The following NDUFA9 variants were observed in gnomAD, a reference collection of about 807,000 sequenced individuals.
NDUFA9 encodes NADH:ubiquinone oxidoreductase subunit A9, also known as NADH dehydrogenase [ubiquinone] 1 alpha subcomplex subunit 9, mitochondrial.
In NDUFA9, 23 loss-of-function variants were observed where a neutral mutation model predicts 45.9. The observed-to-expected ratio is 0.50, with a 90% CI of 0.36 to 0.71. NDUFA9 has a LOEUF of 0.71. NDUFA9 is among the 30% of genes least tolerant of loss of function. The pLI is 0.00. For missense variants in NDUFA9, 466 were observed against 488.2 expected, an observed-to-expected ratio of 0.95 and a Z score of 0.43; for synonymous variants, 176 against 170.5, an observed-to-expected ratio of 1.03 and a Z score of -0.25.
chr12:4,681,141 TA>T (rs1054905041), intron 8 of NDUFA9, among the ~76,000 whole-genome samples: 208 of 149,696 alleles, frequency 1.4e-3, no homozygotes, highest in Non-Finnish European at 1.9e-3. Context: ...AACTTTATAG[TA>T]AAAAAAAAAT....
Position 4,649,144 on chromosome 12 carries a change from A to G in NDUFA9, c.18A>G (p.Gln6=), listed in dbSNP as rs1406682716. 6.2e-7 allele frequency: 1 copy of G among 1,605,474 alleles called. No homozygotes were observed. The highest frequency in any genetic ancestry group is 8.5e-7 in the Non-Finnish European group (1 of 1,176,268). The change falls in exon 1 of 11, where the codon CAA becomes CAG. Residue 6 remains glutamine (Q), a synonymous_variant. Coordinates refer to ENST00000266544, the MANE Select transcript of NDUFA9 (RefSeq NM_005002.5). The part of the protein sequence containing the change: MAAAA[Q]SRVVRVLSMS... The stretch of plus-strand genomic sequence containing the variant: ...GGGAAAAGATGGCGGCTGCCGCACA[A>G]TCCCGGGTTGTCCGGGTCCTGTCAA...
chr12:4,686,878 G>A, intron 10 of NDUFA9, 60 bp from the exon 11 acceptor site: 1 of 1,527,620 alleles, frequency 6.5e-7, no homozygotes, highest in Non-Finnish European at 8.9e-7. Flanking sequence ...TGCCTGCTAG[G>A]ATAGCACTTT....
At chr12:4,671,073 A>G (rs1164348101) in intron 8 of NDUFA9, among the ~76,000 whole-genome samples, 2 of 152,200 alleles carry the variant, frequency 1.3e-5, no homozygotes, top group African/African-American at 2.4e-5. Flanking sequence ...GTAGATAGGT[A>G]TCTACACATT....
In NDUFA9 at chr12:4,690,353, T is replaced by C. The variant is rs1946012411; in HGVS notation, c.*3245T>C. 6.6e-6 allele frequency: 1 copy of C among 152,234 alleles called. No individual in the cohort carries two copies. Among genetic ancestry groups the C allele is most frequent in the Non-Finnish European group, 1.5e-5 (1 of 68,044 alleles). 9.4% of individuals were successfully genotyped at this position (152,234 alleles called of 1,614,324 possible). On this transcript the variant is annotated 3_prime_UTR_variant, in exon 11 of 11. Coordinates refer to ENST00000266544, the MANE Select transcript of NDUFA9 (RefSeq NM_005002.5). ...GTTCTTCCTTGGCCCTCCTGTGTAT[T>C]TCCCACAGCTTTGCTAGGCCTTAAG...
chr12:4,681,164 G>A (rs575328887), intron 8 of NDUFA9, among the ~76,000 whole-genome samples: 2 of 152,124 alleles, frequency 1.3e-5, no homozygotes, highest in Non-Finnish European at 2.9e-5. Flanking sequence ...TTTTTTATAA[G>A]GTTTAGACAA....
At chr12:4,664,139 G>GACTTGTT (rs1945839734) in intron 6 of NDUFA9, among the ~76,000 whole-genome samples, 1 of 152,166 alleles carries the variant, frequency 6.6e-6, no homozygotes, top group Non-Finnish European at 1.5e-5. Context: ...AAGCAAAAAG[G>GACTTGTT]AACCGGAACC....
chr12:4,673,158 A>G (rs749865145), intron 8 of NDUFA9, among the ~76,000 whole-genome samples: 7 of 152,226 alleles, frequency 4.6e-5, no homozygotes, highest in Non-Finnish European at 1.0e-4. Flanking sequence ...AACAAACAGA[A>G]AAGAATAGTA....
rs1946013279 is a variant in NDUFA9, at chr12:4,690,477, G to T, written c.*3369G>T. ...CCCAGCACTTTGGGAGGCTGATGGG[G>T]GTGGATCATGAGGTTAGGAGTTCAA... On this transcript the variant is annotated 3_prime_UTR_variant, in exon 11 of 11. Coordinates refer to ENST00000266544, the MANE Select transcript of NDUFA9 (RefSeq NM_005002.5). The T allele has an allele frequency of 6.6e-6, 1 of 152,144 alleles. No homozygotes were observed. The highest frequency in any genetic ancestry group is 6.6e-5 in the Admixed American group (1 of 15,260). The allele number at this position is 152,144 out of a possible 1,614,324, so 9.4% of individuals were successfully genotyped here. A position where few individuals can be genotyped will look rare whatever the true frequency, so the allele number is the denominator to read the frequency against.
In NDUFA9 at chr12:4,654,851, C is replaced by A; in HGVS notation, c.247C>A (p.Pro83Thr). The change falls in exon 3 of 11, where the codon CCC (proline) becomes ACC (threonine). Residue 83 changes from proline to threonine, a missense_variant. By Grantham distance (38) the Pro-to-Thr change is conservative. Transcript: ENST00000266544. Reference protein sequence around the residue: ...LGRMGSQVIIPYRCDKYDIMH... With the variant: ...LGRMGSQVIITYRCDKYDIMH... ...ACGCATGGGGTCACAGGTAATCATA[C>A]CCTATCGGTGTGATAAATATGACAT... 6.2e-7 allele frequency: 1 copy of A among 1,613,558 alleles called. No individual in the cohort carries two copies. The highest frequency in any genetic ancestry group is 8.5e-7 in the Non-Finnish European group (1 of 1,179,838).
chr12:4,653,252 G>T (rs918218923), intron 1 of NDUFA9, among the ~76,000 whole-genome samples: 1 of 152,238 alleles, frequency 6.6e-6, no homozygotes, highest in Non-Finnish European at 1.5e-5. Flanking sequence ...AAAATATTTA[G>T]TGGGGCTATA....
intron 6 of NDUFA9, among the ~76,000 whole-genome samples, chr12:4,663,016 T>C (rs1945832601): frequency 6.6e-6 from 1 of 152,218 alleles, no homozygotes; most frequent in South Asian, 2.1e-4. Flanking sequence ...ACCACTGATC[T>C]TTTTATTGTC....
chr12:4,652,866 A>G (rs956113551), intron 1 of NDUFA9, among the ~76,000 whole-genome samples: 11 of 152,256 alleles, frequency 7.2e-5, no homozygotes, highest in African/African-American at 1.9e-4. Flanking sequence ...TTCTGTCACT[A>G]TCAGTGAGCT....
rs35155742 is a variant in NDUFA9 at position 4,649,139 on chromosome 12, G to C, written c.13G>C (p.Ala5Pro). 3,138 of 1,604,258 alleles carry C rather than the reference G, an allele frequency of 2.0e-3. 65 individuals are homozygous for C. The African/African-American group carries it at 0.038, about 19-fold the overall frequency. The change falls in exon 1 of 11, where the codon GCA becomes CCA. Residue 5 changes from alanine to proline, a missense_variant. Transcript: ENST00000266544. MAAA[A>P]QSRVVRVLSM... ...ATTGTGGGAAAAGATGGCGGCTGCC[G>C]CACAATCCCGGGTTGTCCGGGTCCT...
In NDUFA9 at chr12:4,692,930, T is replaced by A. The variant is rs866405180; in HGVS notation, c.*5822T>A. The A allele has an allele frequency of 5.4e-4, 83 of 152,430 alleles. No individual in the cohort carries two copies. Among genetic ancestry groups the A allele is most frequent in the African/African-American group, 1.9e-3 (81 of 41,584 alleles). 9.4% of individuals were successfully genotyped at this position (152,430 alleles called of 1,614,324 possible). On this transcript the variant is annotated 3_prime_UTR_variant, in exon 11 of 11. Coordinates refer to ENST00000266544, the MANE Select transcript of NDUFA9 (RefSeq NM_005002.5). Reference sequence around the variant, plus strand: ...GTACAAGCATGGCACTAACATCTGCTTGGCATGAGCCACCACACCCGGCCA... The same window carrying A: ...GTACAAGCATGGCACTAACATCTGCATGGCATGAGCCACCACACCCGGCCA...
chr12:4,661,631 A>G (rs944706753), intron 5 of NDUFA9, among the ~76,000 whole-genome samples: 5 of 151,714 alleles, frequency 3.3e-5, no homozygotes, highest in Middle Eastern at 3.4e-3. Context: ...AAGATGGTCT[A>G]TGGAACCTAA....
intron 8 of NDUFA9, 111 bp from the exon 9 acceptor site, chr12:4,682,090 GTATC>G: frequency 3.2e-6 from 2 of 633,842 alleles, no homozygotes; most frequent in Non-Finnish European, 5.4e-6. Flanking sequence ...GTGCTATTCT[GTATC>G]TACTACAGTG....
chr12:4,665,648 A>G (rs927065409), intron 6 of NDUFA9, among the ~76,000 whole-genome samples: 1 of 151,984 alleles, frequency 6.6e-6, no homozygotes, highest in Non-Finnish European at 1.5e-5. Flanking sequence ...ACAAGCCACC[A>G]TAGTGTATTC....
chr12:4,659,577 G>T (rs143648099), intron 5 of NDUFA9, among the ~76,000 whole-genome samples: 1 of 152,138 alleles, frequency 6.6e-6, no homozygotes, highest in African/African-American at 2.4e-5. Context: ...TCTTAAAGGG[G>T]CAATGTGAAG....
intron 9 of NDUFA9, chr12:4,684,864 C>A: frequency 2.2e-6 from 1 of 451,676 alleles, no homozygotes; most frequent in Non-Finnish European, 4.0e-6. Flanking sequence ...GTATATTTTA[C>A]ACACCATTCA....
Sources: gnomAD v4.1 joint callset for allele counts (sites outside exome capture counted in the v4.1 genomes callset) on GRCh38, gnomAD v4.1.1 for gene constraint, MANE v1.5 for transcripts, NCBI Gene and HGNC (gene_info 2026-07-23, HGNC 2026-07-21) for gene names.